Variants in FAM135B observed in about 807,000 individuals in gnomAD.
The protein encoded by FAM135B is family with sequence similarity 135 member B.
A neutral mutation model predicts 127.7 loss-of-function variants in FAM135B; 43 were observed. That is an observed-to-expected ratio of 0.34 (90% confidence interval 0.26 to 0.43). The LOEUF (loss-of-function observed/expected upper bound fraction) is 0.43. FAM135B is among the 20% of genes least tolerant of loss of function. The pLI, the probability that FAM135B is intolerant of heterozygous loss-of-function variation, is 1.00. For missense variants in FAM135B, 1,558 were observed against 1,725.6 expected (o/e 0.90, Z 1.72); for synonymous variants, 670 against 665.1 (o/e 1.01, Z -0.11).
intron 3 of FAM135B, among the ~76,000 whole-genome samples, chr8:138,298,630 T>A (rs1825644930): frequency 6.6e-6 from 1 of 152,066 alleles, no homozygotes; most frequent in East Asian, 1.9e-4. Flanking sequence ...GAAGTCTGGA[T>A]TTTTTTTCTC....
chr8:138,406,384 A>G (rs997935226), intron 1 of FAM135B, among the ~76,000 whole-genome samples: 14 of 152,206 alleles, frequency 9.2e-5, no homozygotes, highest in African/African-American at 2.6e-4. Flanking sequence ...ATAGAAAAAG[A>G]GGGAATCCTC....
At chr8:138,390,399 C>T (rs538684858) in intron 1 of FAM135B, among the ~76,000 whole-genome samples, 43 of 152,160 alleles carry the variant, frequency 2.8e-4, no homozygotes, top group Non-Finnish European at 5.0e-4. Flanking sequence ...TCTTGTCTGC[C>T]GTCATGTAAG....
At chr8:138,361,388 A>G (rs559542965) in intron 2 of FAM135B, among the ~76,000 whole-genome samples, 1 of 152,340 alleles carries the variant, frequency 6.6e-6, no homozygotes, top group South Asian at 2.1e-4. Context: ...AATTGAATAA[A>G]TTTTGAAAGA....
chr8:138,186,180 C>A (rs143096607), intron 9 of FAM135B, among the ~76,000 whole-genome samples: 1 of 152,178 alleles, frequency 6.6e-6, no homozygotes, highest in African/African-American at 2.4e-5. Context: ...ACCTCTCGCT[C>A]CCTGGTTCCA....
At chr8:138,413,210 A>C (rs1361272590) in intron 1 of FAM135B, among the ~76,000 whole-genome samples, 1 of 151,922 alleles carries the variant, frequency 6.6e-6, no homozygotes, top group Non-Finnish European at 1.5e-5. Flanking sequence ...TTTCCCTCCT[A>C]ACTCACTCTC....
At chr8:138,442,808 A>G (rs1835882107) in intron 1 of FAM135B, among the ~76,000 whole-genome samples, 1 of 152,130 alleles carries the variant, frequency 6.6e-6, no homozygotes, top group Non-Finnish European at 1.5e-5. Flanking sequence ...AGGGGGAAGG[A>G]CTGATGGGCT....
At chr8:138,177,444 A>T in intron 10 of FAM135B, 24 bp from the exon 11 acceptor site, 1 of 1,593,520 alleles carries the variant, frequency 6.3e-7, no homozygotes, top group Non-Finnish European at 8.6e-7. Flanking sequence ...CAATGTAAAC[A>T]GTTCAATTCT....
rs76770032 is a variant in FAM135B, at chr8:138,184,757, C to T, written c.874-6067G>A. Among the ~76,000 whole-genome samples the T allele has an allele frequency of 8.3e-3, 1,267 of 152,260 alleles. 23 individuals carry two copies. The highest frequency in any genetic ancestry group is 0.029 in the African/African-American group (1,192 of 41,524). The stretch of plus-strand genomic sequence containing the variant: ...GGATGTCCACCTAAAGGGCGACCCC[C>T]AGTGAAGGTTTAGAGTTCAAACACA... On this transcript the variant is annotated intron_variant, in intron 9 of 19. Coordinates refer to ENST00000395297, the MANE Select transcript of FAM135B (RefSeq NM_015912.4).
intron 7 of FAM135B, among the ~76,000 whole-genome samples, chr8:138,209,665 C>G (rs1001934304): frequency 6.6e-6 from 1 of 152,128 alleles, no homozygotes; most frequent in Admixed American, 6.5e-5. Flanking sequence ...TGATAGTGTG[C>G]CCTTCAGGGA....
chr8:138,171,976 G>A (rs765387923), intron 11 of FAM135B, among the ~76,000 whole-genome samples: 5 of 152,188 alleles, frequency 3.3e-5, no homozygotes, highest in Admixed American at 6.5e-5. Context: ...GTAGCTGGGT[G>A]CATGCATGGT....
At chr8:138,357,620 A>C (rs1423197180) in intron 2 of FAM135B, among the ~76,000 whole-genome samples, 2 of 152,148 alleles carry the variant, frequency 1.3e-5, no homozygotes, top group Non-Finnish European at 2.9e-5. Context: ...AAGATATCTA[A>C]AGGAATACAT....
intron 2 of FAM135B, among the ~76,000 whole-genome samples, chr8:138,320,517 T>C (rs1313627739): frequency 6.6e-6 from 1 of 152,230 alleles, no homozygotes; most frequent in Non-Finnish European, 1.5e-5. Context: ...ATATCGTCTC[T>C]CGTTTCATGT....
At chr8:138,183,791 T>A (rs1257911536) in intron 9 of FAM135B, among the ~76,000 whole-genome samples, 2 of 152,224 alleles carry the variant, frequency 1.3e-5, no homozygotes, top group African/African-American at 4.8e-5. Context: ...AAATCCAACA[T>A]CTTGTTGAGT....
rs768616053 is a variant in FAM135B at position 138,153,121 on chromosome 8, T to A, written c.1354A>T (p.Ser452Cys). The A allele has an allele frequency of 3.9e-5, 63 of 1,614,014 alleles. No individual in the cohort carries two copies. Among genetic ancestry groups the A allele is most frequent in the Non-Finnish European group, 5.1e-5 (60 of 1,179,858 alleles). ...KDKEDNCMVN[S>C]NLSFREDLVL... ...AGGTCTTCCCTAAAAGATAAATTGC[T>A]ATTTACCATACAGTTATCTTCCTTG... The change falls in exon 13 of 20, where the codon AGC becomes TGC. Residue 452 changes from serine (S) to cysteine (C), a missense_variant. By Grantham distance (112) the Ser-to-Cys change is moderately radical. Coordinates refer to ENST00000395297, the MANE Select transcript of FAM135B (RefSeq NM_015912.4).
chr8:138,321,101 C>G (rs1827423798), intron 2 of FAM135B, among the ~76,000 whole-genome samples: 1 of 152,182 alleles, frequency 6.6e-6, no homozygotes, highest in South Asian at 2.1e-4. Context: ...AAACTTAACG[C>G]TAGTAACTTT....
At chr8:138,461,614 G>T (rs953032653) in intron 1 of FAM135B, among the ~76,000 whole-genome samples, 1 of 152,126 alleles carries the variant, frequency 6.6e-6, no homozygotes, top group Non-Finnish European at 1.5e-5. Context: ...CCTGTGCAAG[G>T]TTCCTTATAC....
intron 1 of FAM135B, chr8:138,440,318 G>A (rs1179906449): frequency 6.6e-6 from 1 of 152,096 alleles, no homozygotes; most frequent in Non-Finnish European, 1.5e-5. Flanking sequence ...TTTCAACCAA[G>A]AGCATACATT....
At chr8:138,137,969 T>G (rs1274491887) in intron 18 of FAM135B, among the ~76,000 whole-genome samples, 3 of 152,198 alleles carry the variant, frequency 2.0e-5, no homozygotes, top group African/African-American at 7.2e-5. Flanking sequence ...CTTAGCTATG[T>G]GTGCCCTACT....
chr8:138,245,085 G>A (rs1369211334), intron 6 of FAM135B, among the ~76,000 whole-genome samples: 1 of 152,138 alleles, frequency 6.6e-6, no homozygotes. Flanking sequence ...GCAAAATCCA[G>A]AGGACAGAAG....
Sources: allele counts gnomAD v4.1 joint callset (sites outside exome capture counted in the v4.1 genomes callset), GRCh38; gene constraint gnomAD v4.1.1; transcripts MANE v1.5; gene names NCBI Gene and HGNC (gene_info 2026-07-23, HGNC 2026-07-21).